MTM1: variants seen among roughly 807,000 people sequenced by gnomAD.
MTM1 encodes myotubularin.
Under a neutral mutation model 52.1 loss-of-function variants are expected in MTM1, and 9 were observed. The observed-to-expected ratio is 0.17, with a 90% CI of 0.10 to 0.30. The LOEUF is 0.30. MTM1 is among the 10% of genes least tolerant of loss of function. The pLI is 1.00. For synonymous variants in MTM1, 136 were observed against 163.8 expected, an observed-to-expected ratio of 0.83 and a Z score of 1.29; for missense variants, 277 against 470.7, an observed-to-expected ratio of 0.59 and a Z score of 3.81.
rs187628770 is a variant in MTM1, at chrX:150,623,478, T to G, written c.444+4339T>G. Among the ~76,000 whole-genome samples, 209 of 111,282 alleles carry G rather than the reference T, an allele frequency of 1.9e-3. 1 individual carries two copies. Among genetic ancestry groups the G allele is most frequent in the African/African-American group, 6.5e-3 (200 of 30,617 alleles). The stretch of plus-strand genomic sequence containing the variant: ...GGACAAACACCAGTTTGCAGGTGTT[T>G]AAAGGAAGCATAGTTGGTTTAAAAA... On this transcript the variant is annotated intron_variant, in intron 6 of 14. Transcript: ENST00000370396.
intron 4 of MTM1, among the ~76,000 whole-genome samples, chrX:150,614,014 A>G (rs1413023056): frequency 1.8e-5 from 2 of 112,379 alleles, no homozygotes; most frequent in Non-Finnish European, 3.8e-5. Flanking sequence ...GGCAGAGTGA[A>G]GCAAGTGGTT....
Position 150,658,005 on chromosome X carries a change from G to C in MTM1, c.1238G>C (p.Ser413Thr). The C allele has an allele frequency of 8.3e-7, 1 of 1,208,225 alleles. No homozygotes were observed. Among genetic ancestry groups the C allele is most frequent in the Non-Finnish European group, 1.1e-6 (1 of 892,265 alleles). ...ATACTGGTACAAAAAGAATGGATAA[G>C]TTTTGGACATAAATTTGCATCTGTG... ...FEILVQKEWI[S>T]FGHKFASRIG... Residue 413 changes from serine to threonine, a missense_variant, in exon 11 of 15, where the codon AGT becomes ACT. Around this residue, in one of 4 missense-constraint regions of MTM1, gnomAD observed 59 missense variants for 107.8 expected, o/e 0.55. Coordinates refer to ENST00000370396, the MANE Select transcript of MTM1 (RefSeq NM_000252.3).
At chrX:150,586,272 A>G (rs1232988220) in intron 1 of MTM1, among the ~76,000 whole-genome samples, 2 of 111,967 alleles carry the variant, frequency 1.8e-5, no homozygotes, top group African/African-American at 6.5e-5. Flanking sequence ...ACATGTGTCT[A>G]TGTGGACAGT....
chrX:150,591,958 A>C (rs1217906640), intron 1 of MTM1, among the ~76,000 whole-genome samples: 4 of 112,630 alleles, frequency 3.6e-5, no homozygotes, highest in African/African-American at 1.3e-4. Context: ...AGTCTAAATA[A>C]ATCCTTGCGT....
intron 10 of MTM1, among the ~76,000 whole-genome samples, chrX:150,655,589 A>G (rs1246925423): frequency 8.9e-6 from 1 of 112,233 alleles, no homozygotes; most frequent in Admixed American, 9.5e-5. Context: ...GATTCGTGCT[A>G]CAACACAAAT....
intron 9 of MTM1, among the ~76,000 whole-genome samples, chrX:150,646,614 C>T (rs1414798046): frequency 1.8e-5 from 2 of 112,560 alleles, no homozygotes; most frequent in Non-Finnish European, 3.8e-5. Flanking sequence ...CTCCTCCCAT[C>T]ATTGCTGTCA....
intron 4 of MTM1, among the ~76,000 whole-genome samples, chrX:150,605,293 G>A (rs2039137080): frequency 8.9e-6 from 1 of 112,102 alleles, no homozygotes; most frequent in Non-Finnish European, 1.9e-5. Flanking sequence ...GGGCTTTTAA[G>A]GCTTCCAGTG....
chrX:150,615,330 G>A (rs1308088968), intron 5 of MTM1, among the ~76,000 whole-genome samples: 1 of 111,507 alleles, frequency 9.0e-6, no homozygotes, highest in African/African-American at 3.3e-5. Flanking sequence ...GTGTTCAAGC[G>A]TCTCGTGTGA....
intron 7 of MTM1, 25 bp downstream of exon 7, chrX:150,639,051 G>A (rs370139371): frequency 9.3e-7 from 1 of 1,079,240 alleles, no homozygotes; most frequent in Non-Finnish European, 1.3e-6. Flanking sequence ...GCTATTGTCT[G>A]GTATGTGATG....
At chrX:150,653,969 G>A (rs2040070378) in intron 10 of MTM1, among the ~76,000 whole-genome samples, 1 of 111,466 alleles carries the variant, frequency 9.0e-6, no homozygotes, top group Non-Finnish European at 1.9e-5. Flanking sequence ...AGTAGAGAGA[G>A]AGAAACCATG....
intron 2 of MTM1, among the ~76,000 whole-genome samples, chrX:150,593,475 G>A (rs2038921935): frequency 8.9e-6 from 1 of 111,859 alleles, no homozygotes; most frequent in Non-Finnish European, 1.9e-5. Flanking sequence ...GGAGATTTTG[G>A]AATGTGCATT....
At chrX:150,638,631 T>C (rs1197866184) in intron 6 of MTM1, among the ~76,000 whole-genome samples, 2 of 111,935 alleles carry the variant, frequency 1.8e-5, no homozygotes, top group Non-Finnish European at 3.8e-5. Flanking sequence ...CAATTGCTAA[T>C]ACTGTTTAAA....
intron 13 of MTM1, among the ~76,000 whole-genome samples, chrX:150,662,017 A>G (rs2148513708): frequency 8.9e-6 from 1 of 112,265 alleles, no homozygotes; most frequent in East Asian, 2.8e-4. Flanking sequence ...ATATCAAAAT[A>G]TCACATCGTA....
chrX:150,638,673 A>AT (rs782457542), intron 6 of MTM1, among the ~76,000 whole-genome samples: 4 of 110,512 alleles, frequency 3.6e-5, no homozygotes, highest in Middle Eastern at 4.6e-3. Flanking sequence ...TGGTAATCTG[A>AT]TTTTTTTGTG....
In MTM1 at chrX:150,598,636, G is replaced by A. The variant is rs1317362167; in HGVS notation, c.181G>A (p.Gly61Arg). The A allele has an allele frequency of 8.3e-7, 1 of 1,200,704 alleles. No homozygotes were observed. The highest frequency in any genetic ancestry group is 1.1e-6 in the Non-Finnish European group (1 of 887,425). The change falls in exon 4 of 15, where the codon GGA becomes AGA. Residue 61 changes from glycine to arginine, a missense_variant. Gly to Arg is a moderately radical substitution (Grantham distance 125). Around this residue, in one of 4 missense-constraint regions of MTM1, gnomAD observed 164 missense variants for 283.3 expected, o/e 0.58. Coordinates refer to ENST00000370396, the MANE Select transcript of MTM1 (RefSeq NM_000252.3). ...ATGTCCTTTCAATGGCCCCATTAAG[G>A]GAAGAGTTTACATCACAAATTATCG... is the stretch of plus-strand genomic sequence containing the variant. ...YICPFNGPIK[G>R]RVYITNYRLY...
At chrX:150,569,564 A>T (rs2038329698) in intron 1 of MTM1, among the ~76,000 whole-genome samples, 1 of 111,575 alleles carries the variant, frequency 9.0e-6, no homozygotes, top group Non-Finnish European at 1.9e-5. Context: ...GGATGGGGGA[A>T]CTGAGGCCCA....
At chrX:150,602,760 A>C (rs2039087719) in intron 4 of MTM1, among the ~76,000 whole-genome samples, 1 of 112,185 alleles carries the variant, frequency 8.9e-6, no homozygotes, top group African/African-American at 3.2e-5. Context: ...GATTCCTTCC[A>C]GGAGCACTTT....
At chrX:150,569,336 G>C (rs1053986468) in intron 1 of MTM1, among the ~76,000 whole-genome samples, 16 of 113,411 alleles carry the variant, frequency 1.4e-4, no homozygotes, top group Non-Finnish European at 2.2e-4. Flanking sequence ...CTTTTGCTGC[G>C]CTCAGGAAGT....
At chrX:150,583,926 A>ATAT (rs1557412127) in intron 1 of MTM1, among the ~76,000 whole-genome samples, 491 of 43,478 alleles carry the variant, frequency 0.011, 48 homozygotes, top group Non-Finnish European at 0.014. Flanking sequence ...TAAAATATAT[A>ATAT]TTAAATTAAA....
Sources: gnomAD v4.1 joint callset for allele counts (sites outside exome capture counted in the v4.1 genomes callset) on GRCh38, gnomAD v4.1.1 for gene constraint, gnomAD v4.1.1 regional missense constraint, MANE v1.5 for transcripts, NCBI Gene and HGNC (gene_info 2026-07-23, HGNC 2026-07-21) for gene names.